The following SLC9D1 variants were observed in gnomAD, a reference collection of about 807,000 sequenced individuals.
SLC9D1 encodes the protein putative LAG1-interacting protein.
At chr13:113,507,522 A>G in the SLC9D1 span, among the ~76,000 whole-genome samples, 2 of 152,158 alleles carry the variant, frequency 1.3e-5, no homozygotes, top group Non-Finnish European at 2.9e-5. Context: ...TAGGACTTCT[A>G]AAGATATGAT....
the SLC9D1 span, chr13:113,510,419 A>G: frequency 2.5e-6 from 4 of 1,611,538 alleles, no homozygotes; most frequent in Non-Finnish European, 2.5e-6. Flanking sequence ...CGGGGTGACA[A>G]AGAAGGTAGG....
chr13:113,547,667 C>T, the SLC9D1 span, among the ~76,000 whole-genome samples: 1 of 152,198 alleles, frequency 6.6e-6, no homozygotes. Flanking sequence ...CCAGCCCGTC[C>T]TCCTCTGACA....
chr13:113,498,727 A>G, the SLC9D1 span: 1 of 437,144 alleles, frequency 2.3e-6, no homozygotes, highest in Admixed American at 4.8e-5. Context: ...TTTAACACCG[A>G]CAGTCAGTTC....
At chr13:113,539,834 ACC>A in the SLC9D1 span, among the ~76,000 whole-genome samples, 6 of 151,774 alleles carry the variant, frequency 4.0e-5, no homozygotes, top group African/African-American at 1.5e-4. This position sits in a 1 kb window ranked among gnomAD's most constrained non-coding sequence, Gnocchi z 4.8. Flanking sequence ...TAAGCATAGG[ACC>A]CTCGGCAGTG....
chr13:113,538,178 G>A, the SLC9D1 span, among the ~76,000 whole-genome samples: 1 of 152,014 alleles, frequency 6.6e-6, no homozygotes, highest in African/African-American at 2.4e-5. Flanking sequence ...ACTTTATGTG[G>A]TGTGTGGTTT....
At chr13:113,520,708 C>T in the SLC9D1 span, 3 of 1,613,726 alleles carry the variant, frequency 1.9e-6, no homozygotes, top group Non-Finnish European at 2.5e-6. Context: ...GACTCTCATA[C>T]AGGCGGGCGC....
the SLC9D1 span, chr13:113,520,529 T>C: frequency 1.2e-6 from 1 of 848,798 alleles, no homozygotes; most frequent in Middle Eastern, 2.9e-4. Context: ...ATTTGAGTTA[T>C]TTTGGAAGTG....
At chr13:113,539,577 C>A in the SLC9D1 span, 1 of 1,473,806 alleles carries the variant, frequency 6.8e-7, no homozygotes, top group Non-Finnish European at 9.3e-7. This position sits in a 1 kb window ranked among gnomAD's most constrained non-coding sequence, Gnocchi z 4.8. Context: ...AATATGTTTA[C>A]GTGCATATAT....
the SLC9D1 span, among the ~76,000 whole-genome samples, chr13:113,492,773 C>T: frequency 6.6e-6 from 1 of 152,156 alleles, no homozygotes. Flanking sequence ...TGGCGAGCGC[C>T]TGTAATTCCA....
At chr13:113,501,967 TA>T in the SLC9D1 span, 1 of 1,071,304 alleles carries the variant, frequency 9.3e-7, no homozygotes, top group East Asian at 2.4e-5. Flanking sequence ...TGAATGTGAT[TA>T]ATGCAGATAC....
At chr13:113,495,562 C>T in the SLC9D1 span, 2 of 1,518,538 alleles carry the variant, frequency 1.3e-6, no homozygotes, top group East Asian at 2.3e-5. Flanking sequence ...TTGCTGTGCC[C>T]TGCCCTCCGG....
the SLC9D1 span, chr13:113,549,386 G>C: frequency 6.2e-7 from 1 of 1,607,712 alleles, no homozygotes; most frequent in Non-Finnish European, 8.5e-7. Context: ...TGCTAGTCCT[G>C]ACAGTCTCTG....
At chr13:113,508,882 G>A in the SLC9D1 span, among the ~76,000 whole-genome samples, 1 of 152,268 alleles carries the variant, frequency 6.6e-6, no homozygotes, top group African/African-American at 2.4e-5. Flanking sequence ...AGGCTCACAT[G>A]CTCCAAAGCA....
chr13:113,498,601 T>A, the SLC9D1 span: 6 of 1,147,630 alleles, frequency 5.2e-6, no homozygotes, highest in Non-Finnish European at 7.3e-6. Flanking sequence ...ATTGTTCACG[T>A]GTATGTTTTT....
chr13:113,541,545 C>T, the SLC9D1 span, among the ~76,000 whole-genome samples: 4 of 130,338 alleles, frequency 3.1e-5, no homozygotes, highest in Admixed American at 8.5e-5. Flanking sequence ...GCTTTATTAC[C>T]GCTGAGTTGT....
chr13:113,500,071 T>C, the SLC9D1 span: 6 of 1,598,650 alleles, frequency 3.8e-6, no homozygotes, highest in African/African-American at 2.7e-5. Context: ...GCATGCTGAT[T>C]GACTCCCAGA....
chr13:113,499,336 G>A, the SLC9D1 span, among the ~76,000 whole-genome samples: 1 of 152,108 alleles, frequency 6.6e-6, no homozygotes, highest in African/African-American at 2.4e-5. Flanking sequence ...CAGTCTTGGC[G>A]ACCTCCTGTC....
At chr13:113,516,570 A>G in the SLC9D1 span, among the ~76,000 whole-genome samples, 1 of 149,826 alleles carries the variant, frequency 6.7e-6, no homozygotes, top group African/African-American at 2.5e-5. Context: ...CATCTCAAAA[A>G]AAAAAAAAAG....
At chr13:113,506,731 G>T in the SLC9D1 span, among the ~76,000 whole-genome samples, 1 of 152,148 alleles carries the variant, frequency 6.6e-6, no homozygotes. Context: ...AATCTAGAAG[G>T]CTCCAGTGTC....
Sources: allele counts gnomAD v4.1 joint callset (sites outside exome capture counted in the v4.1 genomes callset), GRCh38; gene constraint gnomAD v4.1.1; non-coding constraint Gnocchi (gnomAD v3.1); transcripts MANE v1.5; gene names NCBI Gene and HGNC (gene_info 2026-07-23, HGNC 2026-07-21).